SLCO1C1: variants seen among roughly 807,000 people sequenced by gnomAD.
The protein encoded by SLCO1C1 is solute carrier organic anion transporter family member 1C1.
In SLCO1C1, 70 loss-of-function variants were observed where a neutral mutation model predicts 76.4. The ratio of observed to expected loss-of-function variants is 0.92; its 90% CI spans 0.76 to 1.12. The LOEUF (loss-of-function observed/expected upper bound fraction) is 1.12. Ranked by LOEUF, SLCO1C1 falls within the 50% of genes most tolerant of loss-of-function variation. SLCO1C1 has a pLI of 0.00. For missense variants in SLCO1C1, 912 were observed against 823.8 expected, an observed-to-expected ratio of 1.11 and a Z score of -1.31; for synonymous variants, 306 against 286.1, an observed-to-expected ratio of 1.07 and a Z score of -0.70.
intron 10 of SLCO1C1, among the ~76,000 whole-genome samples, chr12:20,733,685 C>T (rs370126912): frequency 5.3e-5 from 8 of 152,118 alleles, no homozygotes; most frequent in Admixed American, 1.3e-4. Flanking sequence ...CAGGAAACAA[C>T]GCCTGTCCTT....
intron 4 of SLCO1C1, among the ~76,000 whole-genome samples, chr12:20,710,944 TAA>T (rs1244376567): frequency 2.0e-5 from 3 of 152,174 alleles, no homozygotes; most frequent in Admixed American, 1.3e-4. Flanking sequence ...TTTCTGTCAT[TAA>T]TTGACTGGCC....
At position 20,740,127 on chromosome 12, in the gene SLCO1C1, C is replaced by G. The variant is rs1592318686; in HGVS notation, c.1549-57C>G. On this transcript the variant is annotated intron_variant, in intron 11 of 14. Transcript: ENST00000266509. ...CGGTAAACATTTTTAACATAACTGT[C>G]TTTAACTTTATTTAAATGTTACTGA... 3.4e-6 allele frequency: 5 copies of G among 1,462,432 alleles called. No individual in the cohort carries two copies. The East Asian group carries it at 1.2e-4, about 34-fold the overall frequency. The allele number at this position is 1,462,432 out of a possible 1,614,324, so 90.6% of individuals were successfully genotyped here. A position where few individuals can be genotyped will look rare whatever the true frequency, so the allele number is the denominator to read the frequency against.
intron 12 of SLCO1C1, 151 bp downstream of exon 12, chr12:20,740,519 C>T (rs1422735618): frequency 3.0e-6 from 2 of 662,372 alleles, no homozygotes; most frequent in South Asian, 2.3e-5. Context: ...ATATATCGCA[C>T]TTTGGGTATT....
intron 13 of SLCO1C1, among the ~76,000 whole-genome samples, chr12:20,750,003 C>A (rs1949220916): frequency 1.3e-5 from 2 of 152,054 alleles, no homozygotes; most frequent in Admixed American, 1.3e-4. Context: ...GAAAGAAATC[C>A]AAGAAAATTT....
chr12:20,739,754 G>C (rs1225576878), intron 11 of SLCO1C1, among the ~76,000 whole-genome samples: 9 of 152,170 alleles, frequency 5.9e-5, no homozygotes, highest in Admixed American at 5.9e-4. Context: ...GTTGAGGGTA[G>C]TGATGCAGTC....
At chr12:20,747,998 G>C (rs1444978192) in intron 13 of SLCO1C1, among the ~76,000 whole-genome samples, 1 of 151,980 alleles carries the variant, frequency 6.6e-6, no homozygotes, top group Non-Finnish European at 1.5e-5. Flanking sequence ...TAACATGTTT[G>C]GTGTGCTCTT....
intron 13 of SLCO1C1, among the ~76,000 whole-genome samples, chr12:20,748,139 G>A (rs1017323826): frequency 6.6e-6 from 1 of 152,046 alleles, no homozygotes; most frequent in African/African-American, 2.4e-5. Context: ...TACACATGTA[G>A]GTTTGAATTA....
chr12:20,737,534 T>A (rs1948606390), intron 11 of SLCO1C1, among the ~76,000 whole-genome samples: 1 of 152,172 alleles, frequency 6.6e-6, no homozygotes. Context: ...ATTTTGCTTA[T>A]AAGAAGTGTT....
At chr12:20,745,361 A>T (rs1554154) in intron 13 of SLCO1C1, among the ~76,000 whole-genome samples, 66,263 of 151,912 alleles carry the variant, frequency 0.44, 17,176 homozygotes, top group South Asian at 0.63. Flanking sequence ...AAAAAATAAA[A>T]TTTTTTGCCA....
chr12:20,731,023 G>T (rs1948239990), intron 9 of SLCO1C1, among the ~76,000 whole-genome samples: 2 of 152,150 alleles, frequency 1.3e-5, no homozygotes, highest in Admixed American at 6.6e-5. Flanking sequence ...TAATTAACCT[G>T]GTTGCCCCCA....
At chr12:20,721,705 T>A (rs1947682378) in intron 7 of SLCO1C1, 99 bp from the exon 8 acceptor site, 1 of 1,355,008 alleles carries the variant, frequency 7.4e-7, no homozygotes, top group Non-Finnish European at 9.9e-7. Context: ...AGGTATTTTA[T>A]GATGTTATAG....
chr12:20,750,778 T>C lies in SLCO1C1; in HGVS notation c.1902T>C (p.Asp634=), dbSNP rs1184874080. ...CGSRGSCRLY[D]SNVFRHIYLG... is the part of the protein sequence containing the mutation. The stretch of plus-strand genomic sequence containing the variant: ...GTAGAGGATCATGCAGATTATATGA[T>C]TCAAATGTCTTCAGGTACCAAATCA... Residue 634 remains aspartate, a synonymous_variant, in exon 14 of 15, where the codon GAT becomes GAC. Transcript: ENST00000266509. 3.7e-6 allele frequency: 6 copies of C among 1,613,980 alleles called. No homozygotes were observed. Among genetic ancestry groups the C allele is most frequent in the Non-Finnish European group, 5.1e-6 (6 of 1,179,916 alleles).
intron 14 of SLCO1C1, 150 bp downstream of exon 14, chr12:20,750,942 A>G: frequency 1.4e-6 from 2 of 1,393,538 alleles, no homozygotes; most frequent in Non-Finnish European, 9.9e-7. Context: ...TCATAGAATA[A>G]TTATATTATT....
chr12:20,702,246 G>C (rs76155118), intron 3 of SLCO1C1, among the ~76,000 whole-genome samples: 2 of 151,822 alleles, frequency 1.3e-5, no homozygotes, highest in East Asian at 3.9e-4. Context: ...TTTACCTGGT[G>C]AACTTTCAGA....
At chr12:20,726,802 G>T (rs1023847238) in intron 9 of SLCO1C1, among the ~76,000 whole-genome samples, 2 of 152,126 alleles carry the variant, frequency 1.3e-5, no homozygotes, top group African/African-American at 4.8e-5. Context: ...GACTGAACCT[G>T]TCACCCAGGT....
At chr12:20,713,583 CG>C (rs1233234576) in intron 5 of SLCO1C1, among the ~76,000 whole-genome samples, 11 of 152,248 alleles carry the variant, frequency 7.2e-5, no homozygotes, top group Admixed American at 1.3e-4. Flanking sequence ...AAGTCTGTTT[CG>C]TTAGACATAG....
chr12:20,750,572 C>T (rs1949253570), intron 13 of SLCO1C1, 103 bp from the exon 14 acceptor site: 1 of 1,059,496 alleles, frequency 9.4e-7, no homozygotes, highest in Non-Finnish European at 1.4e-6. Flanking sequence ...GGCCTTTCAT[C>T]TCCAAAACAG....
At chr12:20,719,154 G>C (rs989929873) in intron 7 of SLCO1C1, among the ~76,000 whole-genome samples, 2 of 149,234 alleles carry the variant, frequency 1.3e-5, no homozygotes, top group Non-Finnish European at 3.0e-5. Context: ...ATGGAGATCT[G>C]TGATGTGTGA....
At chr12:20,710,797 G>C (rs1947052496) in intron 4 of SLCO1C1, among the ~76,000 whole-genome samples, 1 of 152,060 alleles carries the variant, frequency 6.6e-6, no homozygotes, top group African/African-American at 2.4e-5. Context: ...GCAATACATT[G>C]TTCAATTATG....
Sources: allele counts gnomAD v4.1 joint callset (sites outside exome capture counted in the v4.1 genomes callset), GRCh38; gene constraint gnomAD v4.1.1; transcripts MANE v1.5; gene names NCBI Gene and HGNC (gene_info 2026-07-23, HGNC 2026-07-21).